Variants in ABLIM2 observed in about 807,000 individuals in gnomAD.
ABLIM2 encodes the protein actin-binding LIM protein 2.
A neutral mutation model predicts 97.7 loss-of-function variants in ABLIM2; 53 were observed. The ratio of observed to expected loss-of-function variants is 0.54; its 90% confidence interval spans 0.44 to 0.68. ABLIM2 has a LOEUF of 0.68. ABLIM2 is among the 30% of genes least tolerant of loss of function. The pLI, the probability that ABLIM2 is intolerant of heterozygous loss-of-function variation, is 0.00. For missense variants in ABLIM2, 835 were observed against 867.2 expected, an observed-to-expected ratio of 0.96 and a Z score of 0.47; for synonymous variants, 361 against 345.8, an observed-to-expected ratio of 1.04 and a Z score of -0.49.
At position 8,001,054 on chromosome 4, in the gene ABLIM2, G is replaced by A. The variant is rs1756830766; in HGVS notation, c.1618+7005C>T. Among the ~76,000 whole-genome samples the A allele has an allele frequency of 6.6e-6, 1 of 152,222 alleles. No homozygotes were observed. The highest frequency in any genetic ancestry group is 6.5e-5 in the Admixed American group (1 of 15,288). ...CATCCGCTCCTGGGTGCACGGGCAG[G>A]AGGTTTGGAGGCTGTGGCACTGCAC... On this transcript the variant is annotated intron_variant, in intron 16 of 20. Coordinates refer to ENST00000447017, the MANE Select transcript of ABLIM2 (RefSeq NM_001130083.2). The surrounding 1 kb of genome is among the most constrained non-coding windows in gnomAD (Gnocchi z 4.2).
At chr4:8,048,381 G>A (rs1051349670) in intron 8 of ABLIM2, among the ~76,000 whole-genome samples, 3 of 152,192 alleles carry the variant, frequency 2.0e-5, no homozygotes, top group East Asian at 1.9e-4. Context: ...AATCCCCACC[G>A]GCTTTGCCTG....
intron 1 of ABLIM2, among the ~76,000 whole-genome samples, chr4:8,114,156 C>T (rs748579593): frequency 2.8e-4 from 43 of 152,298 alleles, no homozygotes; most frequent in Non-Finnish European, 4.6e-4. Flanking sequence ...GGGCTGTGCC[C>T]GAGGGATTTG....
chr4:8,153,963 CTTTTTTTTTT>C (rs55681745), intron 1 of ABLIM2, among the ~76,000 whole-genome samples: 3 of 131,874 alleles, frequency 2.3e-5, no homozygotes, highest in African/African-American at 8.4e-5. Context: ...AACTTCTTTT[CTTTTTTTTTT>C]TTTTTTTGAG....
chr4:8,011,375 A>G (rs1198614124), intron 14 of ABLIM2, among the ~76,000 whole-genome samples: 1 of 152,244 alleles, frequency 6.6e-6, no homozygotes, highest in African/African-American at 2.4e-5. Context: ...GCTAGCCCAC[A>G]GAACAGATGA....
intron 1 of ABLIM2, among the ~76,000 whole-genome samples, chr4:8,108,653 T>TCA (rs1393653067): frequency 1.3e-5 from 2 of 152,192 alleles, no homozygotes; most frequent in African/African-American, 4.8e-5. Context: ...CCCTAACCAA[T>TCA]CACACGGGAC....
At chr4:8,017,882 A>T (rs1021718168) in intron 14 of ABLIM2, among the ~76,000 whole-genome samples, 5 of 152,114 alleles carry the variant, frequency 3.3e-5, no homozygotes, top group Non-Finnish European at 7.4e-5. Context: ...AGTCCCAGGT[A>T]CTTGGGAAGC....
intron 11 of ABLIM2, 83 bp downstream of exon 11, chr4:8,029,573 C>G: frequency 8.0e-7 from 1 of 1,250,872 alleles, no homozygotes; most frequent in Admixed American, 4.0e-5. Context: ...CACTTATAAC[C>G]GAAAAAAAAA....
rs550015688 is a variant in ABLIM2 at position 8,158,798 on chromosome 4, C to T, written c.-109G>A. The T allele has an allele frequency of 2.0e-6, 2 of 1,019,854 alleles. No individual in the cohort carries two copies. The highest frequency in any genetic ancestry group is 1.7e-5 in the African/African-American group (1 of 58,816). 63.2% of individuals were successfully genotyped at this position (1,019,854 alleles called of 1,614,324 possible). On this transcript the variant is annotated 5_prime_UTR_variant, in exon 1 of 21. Transcript: ENST00000447017. ...TCCGCCCGCCCGCCGGCTCCGCGCC[C>T]GCTCCTTGCGCACACGCCAGGCAGC... is the stretch of plus-strand genomic sequence containing the variant.
At position 8,150,206 on chromosome 4, in the gene ABLIM2, G is replaced by A. The variant is rs972843615; in HGVS notation, c.10+8474C>T. On this transcript the variant is annotated intron_variant, in intron 1 of 20. Coordinates refer to ENST00000447017, the MANE Select transcript of ABLIM2 (RefSeq NM_001130083.2). The surrounding 1 kb of genome is among the most constrained non-coding windows in gnomAD (Gnocchi z 6.3). Reference sequence around the variant, plus strand: ...GTGTCCAGCTGCAGCATCAACTGATGTCATTTTCCATGTGCGATCCCGGGG... The same window carrying A: ...GTGTCCAGCTGCAGCATCAACTGATATCATTTTCCATGTGCGATCCCGGGG... 3.3e-5 allele frequency among the ~76,000 whole-genome samples: 5 copies of A among 152,210 alleles called. No homozygotes were observed. Among genetic ancestry groups the A allele is most frequent in the African/African-American group, 4.8e-5 (2 of 41,444 alleles).
chr4:8,109,545 C>CA (rs1291758005), intron 1 of ABLIM2, among the ~76,000 whole-genome samples: 1 of 152,204 alleles, frequency 6.6e-6, no homozygotes, highest in Non-Finnish European at 1.5e-5. Flanking sequence ...CAGAACCCCA[C>CA]ATCCCGGAAG....
At chr4:8,047,140 CAGG>C (rs1314158942) in intron 8 of ABLIM2, among the ~76,000 whole-genome samples, 1 of 152,238 alleles carries the variant, frequency 6.6e-6, no homozygotes. Flanking sequence ...CGTGCAGCAG[CAGG>C]AGGACAACCC....
intron 2 of ABLIM2, 61 bp downstream of exon 2, chr4:8,106,433 A>C: frequency 1.9e-6 from 3 of 1,554,680 alleles, no homozygotes; most frequent in Non-Finnish European, 2.6e-6. Context: ...TTGCGGGCCC[A>C]GGATCGCCGC....
chr4:8,020,149 C>G (rs563345361), intron 13 of ABLIM2, 53 bp downstream of exon 13: 6 of 1,532,946 alleles, frequency 3.9e-6, no homozygotes, highest in African/African-American at 1.4e-5. Flanking sequence ...TGGCCAGTTT[C>G]GGTGTGGACA....
chr4:8,130,326 C>G lies in ABLIM2; in HGVS notation c.11-23689G>C, dbSNP rs896024690. On this transcript the variant is annotated intron_variant, in intron 1 of 20. Transcript: ENST00000447017. This position sits in a 1 kb window ranked among gnomAD's most constrained non-coding sequence, Gnocchi z 4.2. ...AAACATCACGTTGCTTTGAGGCCAT[C>G]ATCTTAAGGGGATTCTCTGTAATGT... is the stretch of plus-strand genomic sequence containing the variant. Among the ~76,000 whole-genome samples, 7 of 152,154 alleles carry G rather than the reference C, an allele frequency of 4.6e-5. No individual in the cohort carries two copies. The highest frequency in any genetic ancestry group is 7.3e-5 in the Non-Finnish European group (5 of 68,034).
chr4:8,013,687 C>T lies in ABLIM2; in HGVS notation c.1424-4585G>A, dbSNP rs115949652. Among the ~76,000 whole-genome samples the T allele has an allele frequency of 4.7e-3, 713 of 152,366 alleles. 2 individuals carry two copies. The highest frequency in any genetic ancestry group is 8.2e-3 in the Non-Finnish European group (555 of 68,038). Reference sequence around the variant, plus strand: ...AGAGCTGGAGCCACTTTGTCCTCCACGTCACACGTGTAAATTTTCAGACTC... The same window carrying T: ...AGAGCTGGAGCCACTTTGTCCTCCATGTCACACGTGTAAATTTTCAGACTC... On this transcript the variant is annotated intron_variant, in intron 14 of 20. Coordinates refer to ENST00000447017, the MANE Select transcript of ABLIM2 (RefSeq NM_001130083.2).
At chr4:8,110,922 G>A (rs147840600) in intron 1 of ABLIM2, among the ~76,000 whole-genome samples, 10 of 152,326 alleles carry the variant, frequency 6.6e-5, no homozygotes, top group East Asian at 1.9e-4. Flanking sequence ...GTGGGTATGC[G>A]CTTGCCTCCC....
At chr4:8,107,453 C>G (rs1002557698) in intron 1 of ABLIM2, among the ~76,000 whole-genome samples, 4 of 152,264 alleles carry the variant, frequency 2.6e-5, no homozygotes, top group Admixed American at 2.6e-4. Flanking sequence ...GGTGGCCGAG[C>G]TGGCATCGCT....
intron 1 of ABLIM2, among the ~76,000 whole-genome samples, chr4:8,137,224 C>T (rs751176081): frequency 3.9e-5 from 6 of 152,330 alleles, no homozygotes; most frequent in African/African-American, 9.6e-5. Context: ...CCCCAGCAGG[C>T]GCTAGGACCC....
rs956236033 is a variant in ABLIM2 at position 8,071,550 on chromosome 4, G to C, written c.675+6078C>G. Among the ~76,000 whole-genome samples the C allele has an allele frequency of 6.6e-6, 1 of 152,202 alleles. No homozygotes were observed. Among genetic ancestry groups the C allele is most frequent in the Non-Finnish European group, 1.5e-5 (1 of 68,018 alleles). On this transcript the variant is annotated intron_variant, in intron 6 of 20. Transcript: ENST00000447017. This position sits in a 1 kb window ranked among gnomAD's most constrained non-coding sequence, Gnocchi z 6.2. ...CAGACACAGCACAGGCGAGGGCTCG[G>C]CTGGCAGTGGGAGCCTGGGATGCTC...
Sources: gnomAD v4.1 joint callset for allele counts (sites outside exome capture counted in the v4.1 genomes callset) on GRCh38, gnomAD v4.1.1 for gene constraint, Gnocchi (gnomAD v3.1) non-coding constraint, MANE v1.5 for transcripts, NCBI Gene and HGNC (gene_info 2026-07-23, HGNC 2026-07-21) for gene names.